The following CSMD1 variants were observed in gnomAD, a reference collection of about 807,000 sequenced individuals.
CSMD1 encodes the protein CUB and Sushi multiple domains 1.
In CSMD1, 213 loss-of-function variants were observed where a neutral mutation model predicts 417.5. The ratio of observed to expected loss-of-function variants is 0.51; its 90% CI spans 0.46 to 0.57. The LOEUF is 0.57. CSMD1 is among the 20% of genes least tolerant of loss of function. The pLI, the probability that CSMD1 is intolerant of heterozygous loss-of-function variation, is 0.00. For missense variants in CSMD1, 6,923 were observed against 4,529.7 expected (o/e 1.53, Z -15.17); for synonymous variants, 2,862 against 1,736.8 (o/e 1.65, Z -16.11).
At chr8:3,628,275 T>C (rs1013717255) in intron 7 of CSMD1, among the ~76,000 whole-genome samples, 1 of 152,032 alleles carries the variant, frequency 6.6e-6, no homozygotes, top group African/African-American at 2.4e-5. Flanking sequence ...AGAAAAACAA[T>C]CACAAAAGCC....
chr8:3,999,660 G>C (rs533222243), intron 4 of CSMD1, among the ~76,000 whole-genome samples: 2 of 152,240 alleles, frequency 1.3e-5, no homozygotes, highest in Non-Finnish European at 2.9e-5. Context: ...CCTACGGGAT[G>C]CCAGGCTGGT....
At chr8:3,233,837 T>G (rs1354566927) in intron 26 of CSMD1, among the ~76,000 whole-genome samples, 1 of 149,252 alleles carries the variant, frequency 6.7e-6, no homozygotes, top group Non-Finnish European at 1.5e-5. Flanking sequence ...TTACAGGATC[T>G]GCCTGGAACA....
intron 12 of CSMD1, among the ~76,000 whole-genome samples, chr8:3,447,378 G>C (rs974867098): frequency 2.0e-5 from 3 of 150,494 alleles, no homozygotes; most frequent in Admixed American, 6.6e-5. Context: ...AATAAAAGAA[G>C]AAAAAAAAAG....
chr8:4,703,839 G>T (rs547476893), intron 1 of CSMD1, among the ~76,000 whole-genome samples: 1 of 152,152 alleles, frequency 6.6e-6, no homozygotes, highest in South Asian at 2.1e-4. Context: ...CCAGGGACCA[G>T]TTCTCTGGCA....
chr8:3,133,464 G>T (rs945577666), intron 41 of CSMD1, among the ~76,000 whole-genome samples: 3 of 152,194 alleles, frequency 2.0e-5, no homozygotes, highest in Non-Finnish European at 4.4e-5. Flanking sequence ...GGCCTCAGGG[G>T]AAGAGAGGCG....
At chr8:3,131,351 G>GA (rs1298845722) in intron 41 of CSMD1, among the ~76,000 whole-genome samples, 1 of 134,134 alleles carries the variant, frequency 7.5e-6, no homozygotes, top group Non-Finnish European at 1.6e-5. Flanking sequence ...AATAATAAAA[G>GA]AAAAAAAAGA....
chr8:3,677,999 G>C (rs1033255038), intron 7 of CSMD1, among the ~76,000 whole-genome samples: 1 of 152,092 alleles, frequency 6.6e-6, no homozygotes, highest in South Asian at 2.1e-4. Context: ...CCTCCATCTG[G>C]GGTGTCTGCC....
At chr8:4,536,126 G>T (rs1057467570) in intron 2 of CSMD1, among the ~76,000 whole-genome samples, 9 of 152,218 alleles carry the variant, frequency 5.9e-5, no homozygotes, top group African/African-American at 2.2e-4. Flanking sequence ...CACTTGACAA[G>T]GTTCCTTTCT....
chr8:2,976,324 A>G (rs183382125), intron 55 of CSMD1, among the ~76,000 whole-genome samples: 2 of 152,068 alleles, frequency 1.3e-5, no homozygotes, highest in East Asian at 3.9e-4. Context: ...TGTATGTGGT[A>G]GATCCGATTC....
At chr8:4,703,262 G>C (rs1446310203) in intron 1 of CSMD1, among the ~76,000 whole-genome samples, 3 of 152,236 alleles carry the variant, frequency 2.0e-5, no homozygotes, top group African/African-American at 7.2e-5. Flanking sequence ...GATGGTGGAA[G>C]TGTGTGGAAA....
chr8:3,991,594 C>G (rs1166869650), intron 5 of CSMD1, among the ~76,000 whole-genome samples: 2 of 152,152 alleles, frequency 1.3e-5, no homozygotes, highest in African/African-American at 2.4e-5. Context: ...AGTGATGACT[C>G]CACCACACAG....
At chr8:3,266,604 CAAAAAAAAAAAA>C (rs60439183) in intron 26 of CSMD1, among the ~76,000 whole-genome samples, 2 of 25,500 alleles carry the variant, frequency 7.8e-5, no homozygotes, top group Non-Finnish European at 1.3e-4. Context: ...GACTCCCTCT[CAAAAAAAAAAAA>C]AAAAAAAAAA....
chr8:4,012,292 G>C (rs1015509564), intron 4 of CSMD1, among the ~76,000 whole-genome samples: 2 of 152,088 alleles, frequency 1.3e-5, no homozygotes, highest in Non-Finnish European at 2.9e-5. Flanking sequence ...CATCATGCCA[G>C]TTTCATTTCA....
At position 3,059,732 on chromosome 8, in the gene CSMD1, G is replaced by C. The variant is rs73490417; in HGVS notation, c.7475-7085C>G. ...CCCATGAGAGAGAGGAGAGTGGACT[G>C]GGGGAGGGGAAAGATGTGGATGGAC... On this transcript the variant is annotated intron_variant, in intron 49 of 69. Transcript: ENST00000635120. Among the ~76,000 whole-genome samples, 1,369 of 152,252 alleles carry C rather than the reference G, an allele frequency of 9.0e-3. 24 individuals carry two copies. Among genetic ancestry groups the C allele is most frequent in the African/African-American group, 0.031 (1,293 of 41,550 alleles).
intron 21 of CSMD1, among the ~76,000 whole-genome samples, chr8:3,357,370 G>C (rs775295348): frequency 1.6e-4 from 24 of 152,178 alleles, no homozygotes; most frequent in Non-Finnish European, 3.4e-4. Context: ...ATGTAACAGG[G>C]AACTGTCCAT....
At chr8:4,367,236 G>A (rs983010954) in intron 3 of CSMD1, among the ~76,000 whole-genome samples, 1 of 152,086 alleles carries the variant, frequency 6.6e-6, no homozygotes, top group African/African-American at 2.4e-5. Context: ...GTGTAAGGAA[G>A]GGGTCCAGTC....
intron 53 of CSMD1, among the ~76,000 whole-genome samples, chr8:2,999,200 G>A (rs1351032602): frequency 5.6e-5 from 8 of 143,578 alleles, no homozygotes; most frequent in African/African-American, 2.6e-5. Context: ...TGTCACCCAG[G>A]CTGGGGTGCA....
chr8:3,569,865 G>T (rs1047546154), intron 10 of CSMD1, among the ~76,000 whole-genome samples: 1 of 152,072 alleles, frequency 6.6e-6, no homozygotes, highest in East Asian at 1.9e-4. Context: ...TGTCAACCTG[G>T]AATACCTTGT....
intron 11 of CSMD1, among the ~76,000 whole-genome samples, chr8:3,486,997 G>A (rs374054414): frequency 1.3e-5 from 2 of 152,014 alleles, no homozygotes; most frequent in African/African-American, 4.8e-5. Flanking sequence ...TTGATCCTGG[G>A]GAGTTGATCC....
Sources: gnomAD v4.1 joint callset for allele counts (sites outside exome capture counted in the v4.1 genomes callset) on GRCh38, gnomAD v4.1.1 for gene constraint, MANE v1.5 for transcripts, NCBI Gene and HGNC (gene_info 2026-07-23, HGNC 2026-07-21) for gene names.